The following GNG7 variants were observed in gnomAD, a reference collection of about 807,000 sequenced individuals.
GNG7 encodes guanine nucleotide-binding protein G(I)/G(S)/G(O) subunit gamma-7.
GNG7 carries 1 observed loss-of-function variant against 4.0 expected under a neutral mutation model. That is an observed-to-expected ratio of 0.25 (90% CI 0.09 to 1.18). GNG7 has a LOEUF of 1.18. GNG7 is among the 50% of genes most tolerant of loss of function. The pLI is 0.50. For missense variants in GNG7, 86 were observed against 91.9 expected, an observed-to-expected ratio of 0.94 and a Z score of 0.26; for synonymous variants, 34 against 36.9, an observed-to-expected ratio of 0.92 and a Z score of 0.29.
At chr19:2,545,955 A>AAAAACAAAAC (rs71178287) in intron 3 of GNG7, among the ~76,000 whole-genome samples, 12,216 of 151,560 alleles carry the variant, frequency 0.081, 598 homozygotes, top group South Asian at 0.16. Flanking sequence ...ACTCTGCCTC[A>AAAAACAAAAC]AAAACAAAAC....
At chr19:2,679,707 C>T (rs1028710969) in intron 1 of GNG7, among the ~76,000 whole-genome samples, 1 of 152,244 alleles carries the variant, frequency 6.6e-6, no homozygotes, top group East Asian at 1.9e-4. Context: ...TTTACATATC[C>T]TATTCCCCCA....
At chr19:2,520,149 C>G (rs932769425) in intron 4 of GNG7, among the ~76,000 whole-genome samples, 2 of 152,328 alleles carry the variant, frequency 1.3e-5, no homozygotes, top group Admixed American at 6.5e-5. Context: ...CCACTGCACT[C>G]CAGCCTGGGT....
intron 3 of GNG7, among the ~76,000 whole-genome samples, chr19:2,545,799 C>CA (rs918744950): frequency 6.7e-6 from 1 of 150,274 alleles, no homozygotes; most frequent in Non-Finnish European, 1.5e-5. Flanking sequence ...ACTAAAAATA[C>CA]AAAAAAATTA....
At chr19:2,575,962 G>GAC (rs72163731) in intron 2 of GNG7, among the ~76,000 whole-genome samples, 58,137 of 142,150 alleles carry the variant, frequency 0.41, 16,698 homozygotes, top group African/African-American at 0.81. Flanking sequence ...GACACATGCA[G>GAC]ACACAGGCAC....
rs563225842 is a variant in GNG7, at chr19:2,678,182, CACT to C, written c.-135+24461_-135+24463del. Among the ~76,000 whole-genome samples the C allele has an allele frequency of 3.2e-3, 488 of 152,266 alleles. 4 individuals are homozygous for C. Among genetic ancestry groups the C allele is most frequent in the African/African-American group, 0.011 (468 of 41,560 alleles). On this transcript the variant is annotated intron_variant, in intron 1 of 4. Coordinates refer to ENST00000382159, the MANE Select transcript of GNG7 (RefSeq NM_052847.3). ...AGGAGGTGGCGGTGGCCGACGCCAA[CACT>C]GTCACAGCAAGAAACAAGAGAGTGG...
At chr19:2,668,236 A>G (rs1451486771) in intron 1 of GNG7, among the ~76,000 whole-genome samples, 1 of 151,564 alleles carries the variant, frequency 6.6e-6, no homozygotes, top group Non-Finnish European at 1.5e-5. Context: ...AAAAAAAGAG[A>G]CAGAGAGAAG....
intron 1 of GNG7, among the ~76,000 whole-genome samples, chr19:2,665,128 CA>C (rs1427455352): frequency 6.6e-6 from 1 of 152,170 alleles, no homozygotes; most frequent in African/African-American, 2.4e-5. Context: ...TCTGCCCCAT[CA>C]GGAGTGTGTC....
intron 2 of GNG7, among the ~76,000 whole-genome samples, chr19:2,560,975 T>G (rs1240260172): frequency 6.8e-6 from 1 of 147,250 alleles, no homozygotes; most frequent in African/African-American, 2.5e-5. Flanking sequence ...AAAAAAAAAT[T>G]ATTTGGGAAA....
At chr19:2,548,724 G>A (rs1979213357) in intron 3 of GNG7, among the ~76,000 whole-genome samples, 1 of 152,098 alleles carries the variant, frequency 6.6e-6, no homozygotes, top group Non-Finnish European at 1.5e-5. Flanking sequence ...ACGTGGCGGA[G>A]GTCGCAGTGA....
At chr19:2,687,521 T>C (rs1196947890) in intron 1 of GNG7, among the ~76,000 whole-genome samples, 2 of 151,430 alleles carry the variant, frequency 1.3e-5, no homozygotes, top group Non-Finnish European at 2.9e-5. Context: ...GAGGTTGAGG[T>C]AGGAGAATCG....
In GNG7 at chr19:2,611,111, C is replaced by G. The variant is rs559921503; in HGVS notation, c.-78+35113G>C. 2.0e-5 allele frequency: 3 copies of G among 152,290 alleles called. No homozygotes were observed. Among genetic ancestry groups the G allele is most frequent in the Admixed American group, 1.3e-4 (2 of 15,282 alleles). 9.4% of individuals were successfully genotyped at this position (152,290 alleles called of 1,614,324 possible). The stretch of plus-strand genomic sequence containing the variant: ...CTTTCTGGGAAGTGGGCCCCTCGCA[C>G]CGGGTGCGGCGCCCAGGGTTCCCCG... On this transcript the variant is annotated intron_variant, in intron 2 of 4. Coordinates refer to ENST00000382159, the MANE Select transcript of GNG7 (RefSeq NM_052847.3). The surrounding 1 kb of genome is among the most constrained non-coding windows in gnomAD (Gnocchi z 6.0).
chr19:2,513,419 G>C lies in GNG7; in HGVS notation c.*1603C>G, dbSNP rs1473259912. ...CAGGGCTGCGTGGGGTCCATCTCAG[G>C]TGTGGCCGCAGGTGATGCCGGCAGG... On this transcript the variant is annotated 3_prime_UTR_variant, in exon 5 of 5. Transcript: ENST00000382159. The C allele has an allele frequency of 2.5e-6, 2 of 801,500 alleles. No homozygotes were observed. The highest frequency in any genetic ancestry group is 6.2e-5 in the Admixed American group (1 of 16,066). The allele number at this position is 801,500 out of a possible 1,614,324, so 49.6% of individuals were successfully genotyped here.
At chr19:2,668,220 CAA>C (rs11386382) in intron 1 of GNG7, among the ~76,000 whole-genome samples, 1 of 140,162 alleles carries the variant, frequency 7.1e-6, no homozygotes, top group Non-Finnish European at 1.6e-5. Context: ...AAAAGTTTAT[CAA>C]AAAAAAAAAA....
chr19:2,642,966 G>A (rs532894960), intron 2 of GNG7: 13 of 420,442 alleles, frequency 3.1e-5, no homozygotes, highest in Non-Finnish European at 4.1e-5. Flanking sequence ...CCCTGCCGTC[G>A]GCACCCGAAA....
intron 2 of GNG7, among the ~76,000 whole-genome samples, chr19:2,594,004 C>T (rs1467287109): frequency 6.7e-6 from 1 of 148,924 alleles, no homozygotes; most frequent in Non-Finnish European, 1.5e-5. Context: ...TACTTTAAAA[C>T]AAACATGAGG....
intron 2 of GNG7, among the ~76,000 whole-genome samples, chr19:2,561,970 G>A (rs1055483619): frequency 6.6e-6 from 1 of 152,110 alleles, no homozygotes; most frequent in Admixed American, 6.6e-5. Context: ...CAGCTGCCCC[G>A]GGGCGACCCG....
intron 2 of GNG7, among the ~76,000 whole-genome samples, chr19:2,570,403 C>T (rs1342477705): frequency 1.3e-5 from 2 of 152,106 alleles, no homozygotes; most frequent in African/African-American, 4.8e-5. Context: ...CAGTCAGGCA[C>T]GGGGAGACAC....
intron 2 of GNG7, among the ~76,000 whole-genome samples, chr19:2,598,349 C>A (rs1981089986): frequency 6.6e-6 from 1 of 151,948 alleles, no homozygotes; most frequent in Non-Finnish European, 1.5e-5. Context: ...CATGGTGAAA[C>A]CACATCTCTA....
At chr19:2,582,491 T>G (rs1376890187) in intron 2 of GNG7, among the ~76,000 whole-genome samples, 1 of 150,606 alleles carries the variant, frequency 6.6e-6, no homozygotes, top group Admixed American at 6.6e-5. Flanking sequence ...AAATGACAAT[T>G]TTTTTTTTTG....
Sources: allele counts gnomAD v4.1 joint callset (sites outside exome capture counted in the v4.1 genomes callset), GRCh38; gene constraint gnomAD v4.1.1; non-coding constraint Gnocchi (gnomAD v3.1); transcripts MANE v1.5; gene names NCBI Gene and HGNC (gene_info 2026-07-23, HGNC 2026-07-21).